The following DLGAP2 variants were observed in gnomAD, a reference collection of about 807,000 sequenced individuals.
The protein encoded by DLGAP2 is disks large-associated protein 2.
A neutral mutation model predicts 100.3 loss-of-function variants in DLGAP2; 26 were observed. The observed-to-expected ratio is 0.26, with a 90% CI of 0.19 to 0.36. The LOEUF is 0.36. DLGAP2 is among the 10% of genes least tolerant of loss of function. The pLI is 1.00. For synonymous variants in DLGAP2, 886 were observed against 630.1 expected (o/e 1.41, Z -6.08); for missense variants, 1,858 against 1,453.2 (o/e 1.28, Z -4.53).
At chr8:1,270,618 C>T (rs969579132) in intron 3 of DLGAP2, among the ~76,000 whole-genome samples, 2 of 152,040 alleles carry the variant, frequency 1.3e-5, no homozygotes, top group South Asian at 4.2e-4. Flanking sequence ...CTTCTCTGAC[C>T]CTGACGTTCT....
At chr8:1,196,504 T>G (rs956156189) in intron 2 of DLGAP2, among the ~76,000 whole-genome samples, 1 of 152,200 alleles carries the variant, frequency 6.6e-6, no homozygotes, top group Non-Finnish European at 1.5e-5. Context: ...AAGCCTGAGC[T>G]GGAACAAGTC....
chr8:1,469,578 A>G (rs975261528), intron 3 of DLGAP2, among the ~76,000 whole-genome samples: 1 of 151,958 alleles, frequency 6.6e-6, no homozygotes, highest in South Asian at 2.1e-4. Flanking sequence ...CCTCAGAAGA[A>G]CCTCCCACGT....
At chr8:1,354,559 G>C (rs1346787329) in intron 3 of DLGAP2, among the ~76,000 whole-genome samples, 5 of 152,180 alleles carry the variant, frequency 3.3e-5, no homozygotes, top group African/African-American at 9.7e-5. Context: ...ATGAAAGACT[G>C]TGGGGCCATT....
intron 2 of DLGAP2, among the ~76,000 whole-genome samples, chr8:1,212,984 G>C (rs1371197738): frequency 1.3e-5 from 2 of 151,998 alleles, no homozygotes; most frequent in Non-Finnish European, 2.9e-5. Flanking sequence ...ATATGCCATT[G>C]TTGCTCTTAC....
chr8:1,225,271 T>C (rs1798391597), intron 2 of DLGAP2, among the ~76,000 whole-genome samples: 1 of 152,224 alleles, frequency 6.6e-6, no homozygotes, highest in African/African-American at 2.4e-5. Context: ...GATTGGTAGA[T>C]GTTACAGCGG....
At chr8:1,333,712 G>A (rs939970861) in intron 3 of DLGAP2, among the ~76,000 whole-genome samples, 3 of 152,194 alleles carry the variant, frequency 2.0e-5, no homozygotes, top group Admixed American at 6.5e-5. Flanking sequence ...TGTGAGACTC[G>A]TCTCAAATTC....
intron 1 of DLGAP2, among the ~76,000 whole-genome samples, chr8:843,235 G>A (rs1797014292): frequency 6.6e-6 from 1 of 152,202 alleles, no homozygotes; most frequent in Admixed American, 6.5e-5. Context: ...TCGTTTTCAT[G>A]TGAAGTTAAG....
At chr8:813,092 C>G (rs1563044907) in intron 1 of DLGAP2, among the ~76,000 whole-genome samples, 1 of 152,062 alleles carries the variant, frequency 6.6e-6, no homozygotes, top group Admixed American at 6.6e-5. Context: ...TAATAGAAGA[C>G]TTTCTAAATT....
At chr8:1,627,289 G>A (rs528288022) in intron 7 of DLGAP2, among the ~76,000 whole-genome samples, 143 of 152,332 alleles carry the variant, frequency 9.4e-4, no homozygotes, top group Non-Finnish European at 1.7e-3. Flanking sequence ...AGTCCTGTGA[G>A]AGGATAGCCT....
At chr8:1,641,117 G>C (rs925294948) in intron 8 of DLGAP2, among the ~76,000 whole-genome samples, 18 of 152,290 alleles carry the variant, frequency 1.2e-4, no homozygotes, top group African/African-American at 4.1e-4. Context: ...TGTAGAGAAG[G>C]AGTGGAACCA....
chr8:1,513,679 G>C (rs1800259336), intron 4 of DLGAP2, among the ~76,000 whole-genome samples: 1 of 152,218 alleles, frequency 6.6e-6, no homozygotes, highest in African/African-American at 2.4e-5. Flanking sequence ...GCTTTTCTCA[G>C]TAAAAGCTTC....
intron 2 of DLGAP2, among the ~76,000 whole-genome samples, chr8:1,202,225 C>G (rs1585147758): frequency 6.9e-6 from 1 of 144,226 alleles, no homozygotes; most frequent in African/African-American, 2.6e-5. Flanking sequence ...TGCATGTATT[C>G]TGTATGTATA....
At chr8:1,181,661 C>G (rs1247440371) in intron 2 of DLGAP2, among the ~76,000 whole-genome samples, 1 of 152,126 alleles carries the variant, frequency 6.6e-6, no homozygotes. Context: ...TAAAACAAAC[C>G]TGCCCATTTA....
intron 2 of DLGAP2, among the ~76,000 whole-genome samples, chr8:1,189,457 C>T (rs1013039293): frequency 5.3e-5 from 8 of 152,184 alleles, no homozygotes; most frequent in Admixed American, 1.3e-4. Context: ...CACCAAGAGA[C>T]GTTTAAACCA....
At chr8:797,699 G>C (rs965077451) in intron 1 of DLGAP2, among the ~76,000 whole-genome samples, 1 of 152,100 alleles carries the variant, frequency 6.6e-6, no homozygotes, top group African/African-American at 2.4e-5. Context: ...CTGGCTCTCC[G>C]GGTCCTCATC....
At chr8:1,153,613 A>G (rs1370111719) in intron 2 of DLGAP2, among the ~76,000 whole-genome samples, 3 of 152,196 alleles carry the variant, frequency 2.0e-5, no homozygotes, top group Admixed American at 1.3e-4. Context: ...TGTGAAAGAC[A>G]CAAACCAATA....
intron 2 of DLGAP2, among the ~76,000 whole-genome samples, chr8:1,147,770 A>G (rs1796632947): frequency 6.6e-6 from 1 of 151,992 alleles, no homozygotes; most frequent in Non-Finnish European, 1.5e-5. Context: ...TGATCCTCCC[A>G]CCTTGACTTC....
At chr8:949,749 A>T (rs1799428954) in intron 2 of DLGAP2, among the ~76,000 whole-genome samples, 1 of 152,158 alleles carries the variant, frequency 6.6e-6, no homozygotes, top group Non-Finnish European at 1.5e-5. Context: ...TGCTGTCAGG[A>T]ACGGGCAGAG....
intron 2 of DLGAP2, among the ~76,000 whole-genome samples, chr8:1,173,900 A>G (rs1188490233): frequency 6.6e-6 from 1 of 152,034 alleles, no homozygotes; most frequent in African/African-American, 2.4e-5. Context: ...ACCTGCGCCC[A>G]CCTCTGGCAC....
Sources: allele counts gnomAD v4.1 joint callset (sites outside exome capture counted in the v4.1 genomes callset), GRCh38; gene constraint gnomAD v4.1.1; transcripts MANE v1.5; gene names NCBI Gene and HGNC (gene_info 2026-07-23, HGNC 2026-07-21).